The following NRXN1 variants were observed in gnomAD, a reference collection of about 807,000 sequenced individuals.
NRXN1 encodes the protein neurexin-1.
In NRXN1, 39 loss-of-function variants were observed where a neutral mutation model predicts 150.9. That is an observed-to-expected ratio of 0.26 (90% CI 0.20 to 0.34). NRXN1 has a LOEUF of 0.34. Ranked by LOEUF, NRXN1 falls within the 10% of genes least tolerant of loss-of-function variation. NRXN1 has a pLI of 1.00. For missense variants in NRXN1, 1,815 were observed against 1,949.9 expected, an observed-to-expected ratio of 0.93 and a Z score of 1.30; for synonymous variants, 924 against 757.0, an observed-to-expected ratio of 1.22 and a Z score of -3.62.
At chr2:50,194,551 T>C (rs191546648) in intron 18 of NRXN1, among the ~76,000 whole-genome samples, 31 of 152,290 alleles carry the variant, frequency 2.0e-4, no homozygotes, top group Non-Finnish European at 1.5e-5. Flanking sequence ...TTACAATTCA[T>C]ACATGGACTA....
At chr2:50,514,716 G>C (rs1345922857) in intron 12 of NRXN1, among the ~76,000 whole-genome samples, 1 of 152,120 alleles carries the variant, frequency 6.6e-6, no homozygotes, top group East Asian at 1.9e-4. Context: ...TTAAAACAGG[G>C]AGCTAGCTTG....
At chr2:50,295,837 T>C (rs1386536374) in intron 17 of NRXN1, among the ~76,000 whole-genome samples, 5 of 152,090 alleles carry the variant, frequency 3.3e-5, no homozygotes, top group Non-Finnish European at 7.4e-5. Context: ...ACTGGGAAAA[T>C]TCTAAATTTT....
intron 18 of NRXN1, among the ~76,000 whole-genome samples, chr2:50,135,562 G>A (rs2152752390): frequency 6.6e-6 from 1 of 152,218 alleles, no homozygotes. Flanking sequence ...ATGGTGGCGG[G>A]CGCCTGTAGA....
intron 5 of NRXN1, among the ~76,000 whole-genome samples, chr2:50,710,289 T>C (rs1484217535): frequency 6.6e-6 from 1 of 151,900 alleles, no homozygotes; most frequent in East Asian, 1.9e-4. Context: ...CAAAAGAAAA[T>C]AAATTTAAAA....
intron 12 of NRXN1, among the ~76,000 whole-genome samples, chr2:50,522,998 C>T (rs1162496578): frequency 6.6e-6 from 1 of 151,866 alleles, no homozygotes; most frequent in Non-Finnish European, 1.5e-5. Context: ...GCCTCCCAAA[C>T]TGCTGGGATT....
intron 2 of NRXN1, among the ~76,000 whole-genome samples, chr2:51,027,195 C>A (rs1374579873): frequency 6.6e-6 from 1 of 152,166 alleles, no homozygotes; most frequent in Non-Finnish European, 1.5e-5. Context: ...TAGGGCCCAA[C>A]CTGCCAAAGA....
intron 14 of NRXN1, among the ~76,000 whole-genome samples, chr2:50,496,309 A>G (rs983717843): frequency 4.6e-5 from 7 of 152,206 alleles, no homozygotes; most frequent in African/African-American, 1.7e-4. Flanking sequence ...TAAAGGAAAC[A>G]GTGAAAATTA....
At position 50,594,794 on chromosome 2, in the gene NRXN1, T is replaced by C. The variant is rs192780233; in HGVS notation, c.1320+25228A>G. Reference sequence around the variant, plus strand: ...ACTTCCTTGTTTTCCCTTTTTGCCATCTTTCACCACAGCGTGTTTTTACCT... The same window carrying C: ...ACTTCCTTGTTTTCCCTTTTTGCCACCTTTCACCACAGCGTGTTTTTACCT... On this transcript the variant is annotated intron_variant, in intron 8 of 22. Transcript: ENST00000401669. Among the ~76,000 whole-genome samples the C allele has an allele frequency of 1.2e-4, 18 of 152,260 alleles. No individual in the cohort carries two copies. In the East Asian group the frequency reaches 3.5e-3, roughly 29 times the overall value.
intron 17 of NRXN1, among the ~76,000 whole-genome samples, chr2:50,304,134 CTCA>C (rs1476772053): frequency 1.3e-5 from 2 of 152,100 alleles, no homozygotes; most frequent in Non-Finnish European, 2.9e-5. Flanking sequence ...GCTAGTTACA[CTCA>C]TCATAACAAC....
intron 5 of NRXN1, among the ~76,000 whole-genome samples, chr2:50,824,318 G>GTT (rs1381568565): frequency 6.6e-6 from 1 of 151,932 alleles, no homozygotes; most frequent in Non-Finnish European, 1.5e-5. Flanking sequence ...GTGTGTGTGT[G>GTT]TGTGTGTGAA....
At chr2:50,056,307 A>G (rs1158729868) in intron 19 of NRXN1, among the ~76,000 whole-genome samples, 9 of 152,142 alleles carry the variant, frequency 5.9e-5, no homozygotes, top group Admixed American at 5.2e-4. Flanking sequence ...CTTACCACTA[A>G]TAAGCCCAGC....
chr2:50,165,604 C>A (rs2059632324), intron 18 of NRXN1, among the ~76,000 whole-genome samples: 2 of 152,202 alleles, frequency 1.3e-5, no homozygotes, highest in South Asian at 4.1e-4. Flanking sequence ...CCACCTCAGC[C>A]TCCCGAAGTG....
chr2:50,858,589 G>A (rs1675612371), intron 5 of NRXN1, among the ~76,000 whole-genome samples: 1 of 151,898 alleles, frequency 6.6e-6, no homozygotes, highest in Non-Finnish European at 1.5e-5. Flanking sequence ...AAAAAAATGC[G>A]GGTCTTTGCT....
intron 5 of NRXN1, among the ~76,000 whole-genome samples, chr2:50,760,038 A>G (rs1174933624): frequency 1.3e-5 from 2 of 151,832 alleles, no homozygotes; most frequent in African/African-American, 4.8e-5. Flanking sequence ...CTCAGTTTAC[A>G]CTTCAAGAAA....
intron 21 of NRXN1, among the ~76,000 whole-genome samples, chr2:50,012,208 A>G (rs186404335): frequency 6.6e-6 from 1 of 152,128 alleles, no homozygotes; most frequent in Non-Finnish European, 1.5e-5. Flanking sequence ...CTTGATCAAA[A>G]CAGGGGCATG....
chr2:50,323,571 C>CTATATATATATATATATATATATATATA (rs149609146), intron 17 of NRXN1, among the ~76,000 whole-genome samples: 1 of 144,376 alleles, frequency 6.9e-6, no homozygotes, highest in African/African-American at 2.5e-5. Context: ...GGGAAATAAA[C>CTATATATATATATATATATATATATATA]TATATATATA....
At chr2:49,953,500 T>C (rs1396502445) in intron 21 of NRXN1, among the ~76,000 whole-genome samples, 2 of 152,068 alleles carry the variant, frequency 1.3e-5, no homozygotes, top group Admixed American at 6.6e-5. Context: ...ATATTTACGA[T>C]GTTGTACTGC....
chr2:50,955,028 GA>G (rs997260669), intron 2 of NRXN1, among the ~76,000 whole-genome samples: 1 of 152,112 alleles, frequency 6.6e-6, no homozygotes, highest in African/African-American at 2.4e-5. Flanking sequence ...TAAAAAAAGG[GA>G]AAGAAGCAGG....
chr2:50,926,271 G>C (rs1051889217), intron 2 of NRXN1, among the ~76,000 whole-genome samples: 1 of 151,854 alleles, frequency 6.6e-6, no homozygotes, highest in African/African-American at 2.4e-5. Context: ...GGTCTTTCTA[G>C]GCAATTATTT....
Sources: gnomAD v4.1 joint callset for allele counts (sites outside exome capture counted in the v4.1 genomes callset) on GRCh38, gnomAD v4.1.1 for gene constraint, MANE v1.5 for transcripts, NCBI Gene and HGNC (gene_info 2026-07-23, HGNC 2026-07-21) for gene names.